The following PRH1 variants were observed in gnomAD, a reference collection of about 807,000 sequenced individuals.
The protein encoded by PRH1 is salivary acidic proline-rich phosphoprotein 1/2.
A neutral mutation model predicts 7.9 loss-of-function variants in PRH1; 7 were observed. The ratio of observed to expected loss-of-function variants is 0.89; its 90% CI spans 0.50 to 1.67. The LOEUF (loss-of-function observed/expected upper bound fraction) is 1.67. Among genes scored for constraint, PRH1 ranks in the 40% most tolerant of loss-of-function variants. The pLI is 0.00. For missense variants in PRH1, 109 were observed against 223.6 expected (o/e 0.49, Z 3.27); for synonymous variants, 45 against 80.8 (o/e 0.56, Z 2.38).
Position 11,086,732 on chromosome 12 carries a change from G to A in PRH1, n.124-39544C>T, listed in dbSNP as rs1233178630. On this transcript the variant is annotated intron_variant and non_coding_transcript_variant, in intron 1 of 4. Transcript: ENST00000541977. ...AGTTTGAAACCAGCATGGCCAACAC[G>A]GTGAAACCCTGTCTCCACTAAAAAT... 6.0e-5 allele frequency among the ~76,000 whole-genome samples: 7 copies of A among 115,808 alleles called. 2 individuals are homozygous for A. The highest frequency in any genetic ancestry group is 2.4e-4 in the South Asian group (1 of 4,232). 76.0% of individuals were successfully genotyped at this position (115,808 alleles called of 152,430 possible). A position where few individuals can be genotyped will look rare whatever the true frequency, so the allele number is the denominator to read the frequency against.
intron 1 of PRH1, among the ~76,000 whole-genome samples, chr12:11,011,617 T>C (rs1941072773): frequency 6.6e-6 from 1 of 152,138 alleles, no homozygotes; most frequent in Non-Finnish European, 1.5e-5. Flanking sequence ...ACATTGGATG[T>C]CTAAACTGTC....
intron 2 of PRH1, among the ~76,000 whole-genome samples, chr12:10,890,380 C>A (rs1417663796): frequency 6.6e-6 from 1 of 151,826 alleles, no homozygotes; most frequent in Non-Finnish European, 1.5e-5. Context: ...GTCTTCCTAA[C>A]TTTGGTGTGT....
chr12:11,033,263 A>C (rs1377414768), intron 1 of PRH1, among the ~76,000 whole-genome samples: 1 of 152,146 alleles, frequency 6.6e-6, no homozygotes, highest in Non-Finnish European at 1.5e-5. Flanking sequence ...GCTACTCGGG[A>C]GGCTGAGGCA....
chr12:10,938,407 C>G (rs1214263515), intron 2 of PRH1: 1 of 1,614,010 alleles, frequency 6.2e-7, no homozygotes, highest in Non-Finnish European at 8.5e-7. Flanking sequence ...CCATTCCCAT[C>G]ACCTGGGAAA....
At chr12:10,922,825 C>CTTTTTTTTTTTTTTTTTTTTT (rs139253542) in intron 2 of PRH1, among the ~76,000 whole-genome samples, 1 of 113,550 alleles carries the variant, frequency 8.8e-6, no homozygotes, top group African/African-American at 3.0e-5. Context: ...TGAATTTTTT[C>CTTTTTTTTTTTTTTTTTTTTT]TTTTTCTTTT....
At chr12:10,963,702 A>G (rs1938365397) in intron 2 of PRH1, among the ~76,000 whole-genome samples, 2 of 152,136 alleles carry the variant, frequency 1.3e-5, no homozygotes, top group South Asian at 2.1e-4. Flanking sequence ...CTTCATCCCT[A>G]TTACAGATAT....
At chr12:11,163,328 T>C (rs1032071277) in intron 1 of PRH1, among the ~76,000 whole-genome samples, 6 of 151,774 alleles carry the variant, frequency 4.0e-5, no homozygotes, top group Admixed American at 3.3e-4. Context: ...AAATAATCAC[T>C]AAAAATTAAA....
At chr12:10,888,322 G>T (rs1465614060), upstream of PRH1, among the ~76,000 whole-genome samples, 1 of 152,176 alleles carries the variant, frequency 6.6e-6, no homozygotes, top group African/African-American at 2.4e-5. Flanking sequence ...GAATTAGGAA[G>T]TGTGTGACTT....
chr12:11,118,729 T>C (rs1945802459), downstream of PRH1, among the ~76,000 whole-genome samples: 1 of 152,136 alleles, frequency 6.6e-6, no homozygotes, highest in Admixed American at 6.5e-5. Context: ...GGGCGGTGGC[T>C]GACACCGGTA....
At chr12:10,997,849 A>T (rs201929082) in intron 1 of PRH1, 69 of 1,602,728 alleles carry the variant, frequency 4.3e-5, no homozygotes, top group Non-Finnish European at 1.8e-5. Context: ...CTAGAATGGA[A>T]AAAACAATGT....
intron 1 of PRH1, chr12:11,034,835 C>T (rs1419510743): frequency 1.3e-5 from 2 of 152,800 alleles, no homozygotes; most frequent in African/African-American, 4.8e-5. Flanking sequence ...TGCAGTAAGC[C>T]ATGATCCTAC....
At chr12:11,094,299 C>CAAAAAAAAAAAAAAAAAA (rs34742610) in intron 1 of PRH1, among the ~76,000 whole-genome samples, 6 of 27,016 alleles carry the variant, frequency 2.2e-4, no homozygotes, top group Non-Finnish European at 3.6e-4. Context: ...AAGACTCTGT[C>CAAAAAAAAAAAAAAAAAA]AAAAAAAAAA....
At chr12:11,064,482 T>TATCA (rs1565612607) in intron 1 of PRH1, among the ~76,000 whole-genome samples, 1 of 152,132 alleles carries the variant, frequency 6.6e-6, no homozygotes, top group East Asian at 1.9e-4. Flanking sequence ...TTCTTTCATA[T>TATCA]ATCATTTGAT....
chr12:10,956,520 G>A (rs527986205), intron 2 of PRH1, among the ~76,000 whole-genome samples: 1 of 152,142 alleles, frequency 6.6e-6, no homozygotes, highest in East Asian at 1.9e-4. Context: ...ACAAGACAAG[G>A]GTGTCCTCTC....
intron 1 of PRH1, among the ~76,000 whole-genome samples, chr12:11,123,525 T>C (rs1470817317): frequency 2.0e-5 from 3 of 152,166 alleles, no homozygotes; most frequent in African/African-American, 7.2e-5. Context: ...ACAGGCAACA[T>C]TTATTTAGAA....
intron 2 of PRH1, among the ~76,000 whole-genome samples, chr12:10,906,508 G>C (rs1343911196): frequency 1.3e-5 from 2 of 152,302 alleles, no homozygotes; most frequent in East Asian, 1.9e-4. Context: ...TGGTCTGGCT[G>C]TGTCCCCACC....
chr12:11,061,709 G>A (rs1336996049), intron 1 of PRH1: 1 of 1,614,050 alleles, frequency 6.2e-7, no homozygotes, highest in African/African-American at 1.3e-5. Context: ...ATTAACAGCA[G>A]AAAAGATATC....
intron 2 of PRH1, among the ~76,000 whole-genome samples, chr12:10,949,966 A>G (rs1950544709): frequency 6.6e-6 from 1 of 152,194 alleles, no homozygotes; most frequent in African/African-American, 2.4e-5. Flanking sequence ...AACTTCATAT[A>G]AATTGAATTA....
At chr12:10,906,569 G>C (rs2135819145) in intron 2 of PRH1, among the ~76,000 whole-genome samples, 1 of 152,222 alleles carries the variant, frequency 6.6e-6, no homozygotes, top group Non-Finnish European at 1.5e-5. Flanking sequence ...GTTATGGGAG[G>C]GACTCAGTGG....
Sources: gnomAD v4.1 joint callset for allele counts (sites outside exome capture counted in the v4.1 genomes callset) on GRCh38, gnomAD v4.1.1 for gene constraint, MANE v1.5 for transcripts, NCBI Gene and HGNC (gene_info 2026-07-23, HGNC 2026-07-21) for gene names.